Variants in CNTN6 observed in about 807,000 individuals in gnomAD.
The protein encoded by CNTN6 is contactin-6.
In CNTN6, 137 loss-of-function variants were observed where a neutral mutation model predicts 122.8. The ratio of observed to expected loss-of-function variants is 1.12; its 90% confidence interval spans 0.97 to 1.29. The LOEUF (loss-of-function observed/expected upper bound fraction) is 1.29. CNTN6 is among the 50% of genes most tolerant of loss of function. The pLI, the probability that CNTN6 is intolerant of heterozygous loss-of-function variation, is 0.00. For synonymous variants in CNTN6, 570 were observed against 426.0 expected (o/e 1.34, Z -4.16); for missense variants, 1,634 against 1,223.4 (o/e 1.34, Z -5.01).
intron 3 of CNTN6, among the ~76,000 whole-genome samples, chr3:1,224,014 C>T (rs2094244327): frequency 6.6e-6 from 1 of 152,176 alleles, no homozygotes; most frequent in Admixed American, 6.5e-5. Context: ...AACGTCAAAG[C>T]TAGGACTAGG....
chr3:1,313,995 C>A (rs1236511795), intron 7 of CNTN6, among the ~76,000 whole-genome samples: 3 of 152,054 alleles, frequency 2.0e-5, no homozygotes, highest in Non-Finnish European at 4.4e-5. Flanking sequence ...CTAATACTAT[C>A]ACCTTAGGGG....
chr3:1,367,015 C>G (rs1708326858), intron 12 of CNTN6, among the ~76,000 whole-genome samples: 2 of 152,072 alleles, frequency 1.3e-5, no homozygotes, highest in African/African-American at 4.8e-5. Flanking sequence ...GCAAAAAATG[C>G]ATTTCTAAAA....
chr3:1,198,747 A>G (rs925460722), intron 2 of CNTN6, among the ~76,000 whole-genome samples: 1 of 152,098 alleles, frequency 6.6e-6, no homozygotes, highest in Non-Finnish European at 1.5e-5. Context: ...GAAAGAAAGA[A>G]AAGAAAAAAT....
chr3:1,147,822 A>G (rs553389437), intron 1 of CNTN6, 105 bp from the exon 2 acceptor site: 1 of 456,954 alleles, frequency 2.2e-6, no homozygotes, highest in African/African-American at 1.9e-5. Context: ...TTTATTTTGG[A>G]TAATAATATT....
chr3:1,310,623 CT>C (rs1452506354), intron 7 of CNTN6, among the ~76,000 whole-genome samples: 1 of 152,002 alleles, frequency 6.6e-6, no homozygotes, highest in African/African-American at 2.4e-5. Context: ...GTAATTTGGC[CT>C]CATAGAGTGA....
At chr3:1,101,595 T>C (rs2090900371) in intron 1 of CNTN6, among the ~76,000 whole-genome samples, 1 of 152,228 alleles carries the variant, frequency 6.6e-6, no homozygotes, top group Non-Finnish European at 1.5e-5. Context: ...AGTTATTTTG[T>C]AATAGGCAAT....
At chr3:1,346,558 C>G (rs892744036) in intron 11 of CNTN6, among the ~76,000 whole-genome samples, 3 of 152,090 alleles carry the variant, frequency 2.0e-5, no homozygotes, top group African/African-American at 7.2e-5. Flanking sequence ...TTGTACACAC[C>G]AGTTTCTTTC....
chr3:1,167,473 T>C (rs1170817653), intron 2 of CNTN6, among the ~76,000 whole-genome samples: 3 of 152,198 alleles, frequency 2.0e-5, no homozygotes, highest in Non-Finnish European at 2.9e-5. Flanking sequence ...AAATATCTTT[T>C]GTTTAGCTAG....
At chr3:1,366,214 T>C (rs1045707330) in intron 12 of CNTN6, among the ~76,000 whole-genome samples, 5 of 152,210 alleles carry the variant, frequency 3.3e-5, no homozygotes, top group African/African-American at 7.2e-5. Flanking sequence ...GCAAGAAGAA[T>C]AGCATGACAT....
At chr3:1,313,659 A>G (rs1699708731) in intron 7 of CNTN6, among the ~76,000 whole-genome samples, 1 of 152,098 alleles carries the variant, frequency 6.6e-6, no homozygotes, top group South Asian at 2.1e-4. Flanking sequence ...TGGCTTTTCA[A>G]AGATGTCCTC....
intron 20 of CNTN6, among the ~76,000 whole-genome samples, chr3:1,386,621 T>TTGAATAATATTTACA (rs1692988135): frequency 6.6e-6 from 1 of 152,118 alleles, no homozygotes; most frequent in Non-Finnish European, 1.5e-5. Context: ...TTTTTTGTGG[T>TTGAATAATATTTACA]TGAATAATAT....
intron 11 of CNTN6, among the ~76,000 whole-genome samples, chr3:1,330,904 C>T (rs936691291): frequency 3.3e-5 from 5 of 151,844 alleles, no homozygotes; most frequent in Admixed American, 6.6e-5. Context: ...GGTTGCCTTG[C>T]GGGAAATGAG....
chr3:1,286,295 C>A (rs1185219867), intron 5 of CNTN6, among the ~76,000 whole-genome samples: 3 of 152,016 alleles, frequency 2.0e-5, no homozygotes, highest in Non-Finnish European at 4.4e-5. Flanking sequence ...TTTGCTGCAC[C>A]CATCAACCGG....
chr3:1,264,823 C>T (rs1166757978), intron 4 of CNTN6, among the ~76,000 whole-genome samples: 3 of 152,066 alleles, frequency 2.0e-5, no homozygotes, highest in Non-Finnish European at 4.4e-5. Context: ...TCCTGTTTCA[C>T]TGAAACTTCG....
chr3:1,101,713 C>G, intron 1 of CNTN6, among the ~76,000 whole-genome samples: 1 of 152,178 alleles, frequency 6.6e-6, no homozygotes. Flanking sequence ...GCTCCACAAA[C>G]ATTACTGTAA....
chr3:1,158,288 AT>A (rs1159255477), intron 2 of CNTN6, among the ~76,000 whole-genome samples: 1 of 152,024 alleles, frequency 6.6e-6, no homozygotes, highest in Non-Finnish European at 1.5e-5. Flanking sequence ...GATCAGTGAC[AT>A]TGAGCACTTT....
intron 1 of CNTN6, among the ~76,000 whole-genome samples, chr3:1,124,389 G>T (rs1223085930): frequency 4.0e-5 from 6 of 151,832 alleles, no homozygotes; most frequent in Non-Finnish European, 7.4e-5. Flanking sequence ...ATAACTTTGT[G>T]TTTCAGTACT....
intron 2 of CNTN6, among the ~76,000 whole-genome samples, chr3:1,201,898 G>GA (rs139016803): frequency 1.5e-4 from 23 of 151,026 alleles, no homozygotes; most frequent in East Asian, 3.9e-4. Flanking sequence ...GGATAGTATA[G>GA]AAAAAAAAAT....
At chr3:1,301,484 T>G (rs1697406369) in intron 7 of CNTN6, among the ~76,000 whole-genome samples, 2 of 152,150 alleles carry the variant, frequency 1.3e-5, no homozygotes, top group Admixed American at 6.5e-5. Flanking sequence ...TTGGTTAAGT[T>G]TATGCAGGAA....
Sources: gnomAD v4.1 joint callset for allele counts (sites outside exome capture counted in the v4.1 genomes callset) on GRCh38, gnomAD v4.1.1 for gene constraint, MANE v1.5 for transcripts, NCBI Gene and HGNC (gene_info 2026-07-23, HGNC 2026-07-21) for gene names.